The following CAPN13 variants were observed in gnomAD, a reference collection of about 807,000 sequenced individuals.
CAPN13 encodes the protein calpain 13.
CAPN13 carries 90 observed loss-of-function variants against 98.4 expected under a neutral mutation model. The ratio of observed to expected loss-of-function variants is 0.92; its 90% CI spans 0.77 to 1.09. The LOEUF (loss-of-function observed/expected upper bound fraction) is 1.09. Ranked by LOEUF, CAPN13 falls within the 50% of genes least tolerant of loss-of-function variation. CAPN13 has a pLI of 0.00. For synonymous variants in CAPN13, 330 were observed against 305.5 expected, an observed-to-expected ratio of 1.08 and a Z score of -0.84; for missense variants, 887 against 841.3, an observed-to-expected ratio of 1.05 and a Z score of -0.67.
chr2:30,792,340 A>T (rs564928618), intron 1 of CAPN13, among the ~76,000 whole-genome samples: 2 of 152,256 alleles, frequency 1.3e-5, no homozygotes, highest in African/African-American at 2.4e-5. Context: ...AAGAGAGAAA[A>T]CATAAATCGC....
At chr2:30,754,895 C>T (rs745582358) in intron 8 of CAPN13, among the ~76,000 whole-genome samples, 9 of 152,136 alleles carry the variant, frequency 5.9e-5, no homozygotes, top group Non-Finnish European at 1.0e-4. Flanking sequence ...CCATCCGTTC[C>T]CACACTGCCA....
chr2:30,741,983 A>G lies in CAPN13; in HGVS notation c.1480-19T>C. On this transcript the variant is annotated intron_variant, in intron 14 of 22. Transcript: ENST00000295055. ...GGCTTCCCTGGATCAAAGGGAAAAT[A>G]GTCAATGTTAGACTTCTGGGGAAGG... The G allele has an allele frequency of 6.2e-7, 1 of 1,609,946 alleles. No homozygotes were observed. Among genetic ancestry groups the G allele is most frequent in the Non-Finnish European group, 8.5e-7 (1 of 1,176,316 alleles).
At chr2:30,802,151 G>A (rs1325124913) in intron 1 of CAPN13, among the ~76,000 whole-genome samples, 1 of 152,126 alleles carries the variant, frequency 6.6e-6, no homozygotes, top group African/African-American at 2.4e-5. Flanking sequence ...GCCCTGGACT[G>A]GGAGCTCTGG....
chr2:30,800,157 A>AAAGAAAGT (rs1675169960), intron 1 of CAPN13, among the ~76,000 whole-genome samples: 8 of 150,378 alleles, frequency 5.3e-5, no homozygotes, highest in African/African-American at 1.7e-4. Flanking sequence ...AGAAAGAAAG[A>AAAGAAAGT]AAGAAAGAAA....
At chr2:30,788,386 G>A (rs1674433304) in intron 1 of CAPN13, among the ~76,000 whole-genome samples, 1 of 152,190 alleles carries the variant, frequency 6.6e-6, no homozygotes, top group Non-Finnish European at 1.5e-5. Flanking sequence ...GAGGTTTCTT[G>A]TTCAGGCAGC....
At chr2:30,736,666 G>T in intron 17 of CAPN13, 95 bp from the exon 18 acceptor site, 1 of 1,102,812 alleles carries the variant, frequency 9.1e-7, no homozygotes, top group Non-Finnish European at 1.4e-6. Context: ...TTCATCACTA[G>T]CAACACAGCT....
At chr2:30,749,473 G>C (rs10211502) in intron 11 of CAPN13, among the ~76,000 whole-genome samples, 1 of 152,186 alleles carries the variant, frequency 6.6e-6, no homozygotes, top group Non-Finnish European at 1.5e-5. Context: ...CCCAGGAGCC[G>C]TGTCTGTCCA....
intron 3 of CAPN13, among the ~76,000 whole-genome samples, chr2:30,776,846 T>C (rs1673721917): frequency 6.6e-6 from 1 of 152,208 alleles, no homozygotes; most frequent in Non-Finnish European, 1.5e-5. Flanking sequence ...GAGAGGTCCT[T>C]TCTCCAGTTA....
chr2:30,789,130 C>T (rs906673214), intron 1 of CAPN13, among the ~76,000 whole-genome samples: 5 of 152,008 alleles, frequency 3.3e-5, no homozygotes, highest in Non-Finnish European at 5.9e-5. Flanking sequence ...AAAGAGGGCC[C>T]GCAACAAATT....
At chr2:30,736,334 T>C (rs1671362912) in intron 18 of CAPN13, among the ~76,000 whole-genome samples, 169 bp downstream of exon 18, 1 of 152,110 alleles carries the variant, frequency 6.6e-6, no homozygotes, top group Non-Finnish European at 1.5e-5. Context: ...CCTTGTGCCT[T>C]TTGGAGTTGC....
intron 8 of CAPN13, among the ~76,000 whole-genome samples, chr2:30,755,812 T>C (rs1035337635): frequency 6.6e-6 from 1 of 152,180 alleles, no homozygotes; most frequent in Non-Finnish European, 1.5e-5. Context: ...GATAATTACA[T>C]TTTCTGCAAT....
At chr2:30,739,533 C>G (rs1671548743) in intron 15 of CAPN13, among the ~76,000 whole-genome samples, 1 of 152,104 alleles carries the variant, frequency 6.6e-6, no homozygotes, top group Non-Finnish European at 1.5e-5. Flanking sequence ...GGTCATTTCA[C>G]CAACATTTCA....
At chr2:30,758,815 T>C (rs866161157) in intron 7 of CAPN13, among the ~76,000 whole-genome samples, 30 of 75,494 alleles carry the variant, frequency 4.0e-4, no homozygotes, top group East Asian at 2.2e-3. Context: ...TCCCTTCCCT[T>C]CCTCCCTTCC....
intron 1 of CAPN13, among the ~76,000 whole-genome samples, chr2:30,802,546 G>GA (rs1572895800): frequency 7.1e-6 from 1 of 141,316 alleles, no homozygotes; most frequent in Admixed American, 6.8e-5. Context: ...GCAGGCTGGG[G>GA]GGGGGGGGTG....
At chr2:30,771,895 G>A (rs1476129967) in intron 4 of CAPN13, among the ~76,000 whole-genome samples, 1 of 152,226 alleles carries the variant, frequency 6.6e-6, no homozygotes, top group African/African-American at 2.4e-5. Flanking sequence ...CAAAAGGTGA[G>A]ATTATGAAAA....
Position 30,753,073 on chromosome 2 carries a change from A to G in CAPN13, c.1067T>C (p.Val356Ala), listed in dbSNP as rs1044942085. 3 of 1,613,870 alleles carry G rather than the reference A, an allele frequency of 1.9e-6. No individual in the cohort carries two copies. Among genetic ancestry groups the G allele is most frequent in the Non-Finnish European group, 1.7e-6 (2 of 1,179,870 alleles). Residue 356 changes from valine (V) to alanine (A), a missense_variant, in exon 10 of 23, where the codon GTG (valine) becomes GCG (alanine). Coordinates refer to ENST00000295055, the MANE Select transcript of CAPN13 (RefSeq NM_144575.3). The stretch of plus-strand genomic sequence containing the variant: ...ATTACCTGCAGTGTTTCCTAGAATC[A>G]CTTGCTTCCTAAACATTATTTGGGA... Reference protein sequence around the residue: ...GWSQIMFRKQVILGNTAGGPR... With the variant: ...GWSQIMFRKQAILGNTAGGPR...
chr2:30,779,317 C>T (rs187257645), intron 2 of CAPN13, among the ~76,000 whole-genome samples: 15 of 152,282 alleles, frequency 9.9e-5, no homozygotes, highest in Admixed American at 2.6e-4. Context: ...GAACAATTCC[C>T]GTTACTTTGC....
chr2:30,772,408 T>C (rs890177743), intron 4 of CAPN13, among the ~76,000 whole-genome samples: 3 of 152,218 alleles, frequency 2.0e-5, no homozygotes, highest in African/African-American at 7.2e-5. Context: ...CAGAGCTTAG[T>C]GCACTGCAGC....
At chr2:30,804,797 C>T (rs1675507165) in intron 1 of CAPN13, among the ~76,000 whole-genome samples, 1 of 152,160 alleles carries the variant, frequency 6.6e-6, no homozygotes, top group South Asian at 2.1e-4. Context: ...ATGCCCTCAA[C>T]CTGACTTCTT....
Sources: gnomAD v4.1 joint callset for allele counts (sites outside exome capture counted in the v4.1 genomes callset) on GRCh38, gnomAD v4.1.1 for gene constraint, MANE v1.5 for transcripts, NCBI Gene and HGNC (gene_info 2026-07-23, HGNC 2026-07-21) for gene names.